COL14A1: variants seen among roughly 807,000 people sequenced by gnomAD.
COL14A1 encodes collagen alpha-1(XIV) chain.
In COL14A1, 136 loss-of-function variants were observed where a neutral mutation model predicts 230.3. That is an observed-to-expected ratio of 0.59 (90% confidence interval 0.51 to 0.68). The LOEUF (loss-of-function observed/expected upper bound fraction) is 0.68. COL14A1 is among the 30% of genes least tolerant of loss of function. The pLI, the probability that COL14A1 is intolerant of heterozygous loss-of-function variation, is 0.00. For synonymous variants in COL14A1, 792 were observed against 784.1 expected (o/e 1.01, Z -0.17); for missense variants, 1,976 against 2,215.8 (o/e 0.89, Z 2.17).
intron 4 of COL14A1, among the ~76,000 whole-genome samples, chr8:120,166,875 A>AGTGT (rs4053270): frequency 0.12 from 14,354 of 116,876 alleles, 909 homozygotes; most frequent in East Asian, 0.19. Context: ...AAAGAATTTA[A>AGTGT]GTGTGTGTGT....
intron 5 of COL14A1, among the ~76,000 whole-genome samples, chr8:120,173,937 C>T (rs1459147465): frequency 6.6e-6 from 1 of 152,152 alleles, no homozygotes; most frequent in African/African-American, 2.4e-5. Context: ...TAAGGTATAT[C>T]ATATCTGTGT....
intron 14 of COL14A1, among the ~76,000 whole-genome samples, chr8:120,223,796 C>T (rs947699693): frequency 2.6e-5 from 4 of 152,084 alleles, no homozygotes; most frequent in African/African-American, 9.7e-5. Context: ...TTAAATTTTC[C>T]AGAGTATCAC....
At chr8:120,199,065 C>T (rs895234803) in intron 7 of COL14A1, among the ~76,000 whole-genome samples, 1 of 152,188 alleles carries the variant, frequency 6.6e-6, no homozygotes, top group East Asian at 1.9e-4. Flanking sequence ...TGATAACGCA[C>T]TACTGTGTGA....
chr8:120,240,976 G>C (rs1818591117), intron 19 of COL14A1, among the ~76,000 whole-genome samples: 1 of 152,096 alleles, frequency 6.6e-6, no homozygotes, highest in African/African-American at 2.4e-5. Flanking sequence ...AGGGTAGGAA[G>C]GTCTCTCATT....
intron 47 of COL14A1, chr8:120,370,584 A>G (rs1586906164): frequency 2.1e-6 from 3 of 1,455,862 alleles, no homozygotes. Flanking sequence ...ACCAAATCAT[A>G]TATGTCTATT....
At chr8:120,280,807 G>A (rs544831202) in intron 30 of COL14A1, 58 bp downstream of exon 30, 302 of 1,559,696 alleles carry the variant, frequency 1.9e-4, no homozygotes, top group Middle Eastern at 6.8e-4. Context: ...CTCAATTGGG[G>A]ATGGGGTTTC....
intron 25 of COL14A1, among the ~76,000 whole-genome samples, chr8:120,269,037 T>C (rs996464328): frequency 6.6e-6 from 1 of 151,760 alleles, no homozygotes; most frequent in Non-Finnish European, 1.5e-5. Flanking sequence ...AGATGGTTTA[T>C]TTTATATTAT....
chr8:120,251,614 G>C (rs1276217463), intron 22 of COL14A1, among the ~76,000 whole-genome samples: 2 of 152,162 alleles, frequency 1.3e-5, no homozygotes, highest in Non-Finnish European at 2.9e-5. Flanking sequence ...TATTCCTGAA[G>C]TTTGTTATAC....
intron 40 of COL14A1, among the ~76,000 whole-genome samples, chr8:120,328,064 A>G (rs546752391): frequency 6.6e-6 from 1 of 152,090 alleles, no homozygotes; most frequent in African/African-American, 2.4e-5. Flanking sequence ...GCACCTGGCC[A>G]TGTGCAGTAC....
At chr8:120,327,591 C>G (rs1169381760) in intron 40 of COL14A1, among the ~76,000 whole-genome samples, 1 of 152,056 alleles carries the variant, frequency 6.6e-6, no homozygotes, top group Non-Finnish European at 1.5e-5. Flanking sequence ...TAGGATGACT[C>G]CTGATGTCTT....
In COL14A1 at chr8:120,208,341, T is replaced by G. The variant is rs779094284; in HGVS notation, c.1301T>G (p.Leu434Arg). Residue 434 changes from leucine (L) to arginine (R), a missense_variant, in exon 11 of 48, where the codon CTA (leucine) becomes CGA (arginine). By Grantham distance (102) the Leu-to-Arg change is moderately radical (BLOSUM62 -2). Around this residue, in one of 3 missense-constraint regions of COL14A1, gnomAD observed 1,791 missense variants for 2,019.5 expected, o/e 0.89. Transcript: ENST00000297848. ...AIYAHTASEG[L>R]RGTETTLALP... is the part of the protein sequence containing the mutation. Reference sequence around the variant, plus strand: ...TATGCCCACACTGCTAGTGAAGGCCTACGGGGAACTGAAACTACACGTATG... The same window carrying G: ...TATGCCCACACTGCTAGTGAAGGCCGACGGGGAACTGAAACTACACGTATG... 2 of 1,613,362 alleles carry G rather than the reference T, an allele frequency of 1.2e-6. No homozygotes were observed. Among genetic ancestry groups the G allele is most frequent in the Non-Finnish European group, 1.7e-6 (2 of 1,179,624 alleles).
At chr8:120,355,740 A>T (rs1822961162) in intron 45 of COL14A1, among the ~76,000 whole-genome samples, 1 of 151,872 alleles carries the variant, frequency 6.6e-6, no homozygotes, top group East Asian at 1.9e-4. Context: ...TCTTTATGCA[A>T]CTCCTTTAGT....
intron 14 of COL14A1, among the ~76,000 whole-genome samples, chr8:120,218,083 TATATAA>T (rs1404662667): frequency 4.3e-5 from 6 of 138,934 alleles, no homozygotes; most frequent in South Asian, 2.1e-4. Context: ...AAATATATAA[TATATAA>T]ATATAAATAC....
intron 10 of COL14A1, among the ~76,000 whole-genome samples, chr8:120,207,618 C>T (rs1325022868): frequency 6.6e-6 from 1 of 152,148 alleles, no homozygotes; most frequent in African/African-American, 2.4e-5. Flanking sequence ...CAGGCGAGAA[C>T]ACCTATTGCC....
intron 5 of COL14A1, among the ~76,000 whole-genome samples, chr8:120,169,720 A>T (rs1220268039): frequency 6.6e-6 from 1 of 151,952 alleles, no homozygotes; most frequent in Non-Finnish European, 1.5e-5. Context: ...CTGAATTTTG[A>T]TGCATTTCTT....
At chr8:120,133,905 A>T (rs912751973) in intron 1 of COL14A1, among the ~76,000 whole-genome samples, 2 of 152,102 alleles carry the variant, frequency 1.3e-5, no homozygotes, top group African/African-American at 4.8e-5. Context: ...AAAATGTTAA[A>T]CTATTCAAGG....
At chr8:120,294,021 A>G (rs1012619282) in intron 34 of COL14A1, among the ~76,000 whole-genome samples, 2 of 151,906 alleles carry the variant, frequency 1.3e-5, no homozygotes, top group Non-Finnish European at 2.9e-5. Flanking sequence ...AAGGTTAGAC[A>G]TCAAATTACA....
chr8:120,168,130 A>G (rs1373347938), intron 4 of COL14A1, 31 bp from the exon 5 acceptor site: 1 of 1,433,130 alleles, frequency 7.0e-7, no homozygotes. Flanking sequence ...TTTTAGTATA[A>G]CATGGTGCTG....
At chr8:120,152,469 CAAAAAAA>C (rs397891260) in intron 2 of COL14A1, among the ~76,000 whole-genome samples, 2 of 59,610 alleles carry the variant, frequency 3.4e-5, no homozygotes, top group African/African-American at 1.5e-4. Context: ...GATTCCATCT[CAAAAAAA>C]AAAAAAAAAA....
Sources: gnomAD v4.1 joint callset for allele counts (sites outside exome capture counted in the v4.1 genomes callset) on GRCh38, gnomAD v4.1.1 for gene constraint, gnomAD v4.1.1 regional missense constraint, MANE v1.5 for transcripts, NCBI Gene and HGNC (gene_info 2026-07-23, HGNC 2026-07-21) for gene names.